The following SPOCK3 variants were observed in gnomAD, a reference collection of about 807,000 sequenced individuals.
SPOCK3 encodes the protein testican-3.
In SPOCK3, 30 loss-of-function variants were observed where a neutral mutation model predicts 56.6. The observed-to-expected ratio is 0.53, with a 90% CI of 0.40 to 0.72. The LOEUF is 0.72. Among genes scored for constraint, SPOCK3 ranks in the 30% least tolerant of loss-of-function variants. The pLI is 0.00. For synonymous variants in SPOCK3, 196 were observed against 183.3 expected, an observed-to-expected ratio of 1.07 and a Z score of -0.56; for missense variants, 527 against 530.0, an observed-to-expected ratio of 0.99 and a Z score of 0.06.
At chr4:166,744,123 A>G (rs1054027567) in intron 8 of SPOCK3, among the ~76,000 whole-genome samples, 7 of 152,146 alleles carry the variant, frequency 4.6e-5, no homozygotes, top group Non-Finnish European at 8.8e-5. Context: ...CCCACCCCGG[A>G]GTTTGAGATC....
rs542234752 is a variant in SPOCK3, at chr4:166,820,729, T to A, written c.590-28440A>T. 5.3e-5 allele frequency among the ~76,000 whole-genome samples: 8 copies of A among 151,922 alleles called. No homozygotes were observed. In the South Asian group the frequency reaches 1.7e-3, roughly 31 times the overall value. ...GTTCCAGGTACTTGGGAGGCTGAGA[T>A]GGGAGGATCGCTGGAGCCTGTGAGG... On this transcript the variant is annotated intron_variant, in intron 6 of 10. Transcript: ENST00000357545.
chr4:166,895,092 T>G (rs976470159), intron 5 of SPOCK3, among the ~76,000 whole-genome samples: 2 of 152,128 alleles, frequency 1.3e-5, no homozygotes, highest in Non-Finnish European at 2.9e-5. Flanking sequence ...ATCAAAATTC[T>G]TGTTTGAATT....
chr4:166,755,443 A>T (rs952625215), intron 7 of SPOCK3, among the ~76,000 whole-genome samples: 11 of 152,170 alleles, frequency 7.2e-5, no homozygotes, highest in Non-Finnish European at 1.5e-4. Context: ...GGTAAGCTGC[A>T]GACCTCACGA....
At chr4:166,977,671 A>C (rs1195927129) in intron 4 of SPOCK3, among the ~76,000 whole-genome samples, 1 of 152,148 alleles carries the variant, frequency 6.6e-6, no homozygotes, top group Non-Finnish European at 1.5e-5. Context: ...TGAGTATCAG[A>C]TAAGTCAGAA....
At chr4:166,737,699 T>G in intron 9 of SPOCK3, 95 bp from the exon 10 acceptor site, 1 of 1,335,894 alleles carries the variant, frequency 7.5e-7, no homozygotes, top group Non-Finnish European at 1.0e-6. Flanking sequence ...CATTAATGCA[T>G]TAAAGACTTA....
At chr4:167,181,135 T>C (rs1246656262) in intron 2 of SPOCK3, among the ~76,000 whole-genome samples, 1 of 152,146 alleles carries the variant, frequency 6.6e-6, no homozygotes, top group Non-Finnish European at 1.5e-5. Context: ...CTCTGAAATC[T>C]ATATCCCTAC....
chr4:167,053,452 C>T (rs1298645466), intron 3 of SPOCK3, among the ~76,000 whole-genome samples: 4 of 151,854 alleles, frequency 2.6e-5, no homozygotes, highest in African/African-American at 9.7e-5. Context: ...TTTGGGAGGC[C>T]GAGGGGCAGA....
chr4:167,155,515 A>G (rs1764743689), intron 2 of SPOCK3, among the ~76,000 whole-genome samples: 1 of 152,212 alleles, frequency 6.6e-6, no homozygotes, highest in Admixed American at 6.5e-5. Flanking sequence ...AAAGAAAGAA[A>G]ACAACACATG....
intron 6 of SPOCK3, among the ~76,000 whole-genome samples, chr4:166,850,055 A>G (rs1471260170): frequency 1.3e-5 from 2 of 152,160 alleles, no homozygotes; most frequent in African/African-American, 4.8e-5. Context: ...AGATCTACAC[A>G]TTTTTCTTTG....
intron 6 of SPOCK3, among the ~76,000 whole-genome samples, chr4:166,879,629 T>A (rs956036061): frequency 2.0e-5 from 3 of 152,198 alleles, no homozygotes; most frequent in Non-Finnish European, 4.4e-5. Context: ...TTCCCTCATA[T>A]TTTACATTTG....
At chr4:167,005,884 G>A (rs1749418704) in intron 3 of SPOCK3, among the ~76,000 whole-genome samples, 1 of 152,020 alleles carries the variant, frequency 6.6e-6, no homozygotes, top group Admixed American at 6.6e-5. Context: ...GCTTCAAAAG[G>A]ACTACTATTT....
rs1269509850 is a variant in SPOCK3, at chr4:167,233,997, G to T, written c.177C>A (p.Asn59Lys). Residue 59 changes from asparagine to lysine, a missense_variant, in exon 2 of 11, where the codon AAC becomes AAA. By Grantham distance (94) the Asn-to-Lys change is moderately conservative. Coordinates refer to ENST00000357545, the MANE Select transcript of SPOCK3 (RefSeq NM_001040159.2). ...GCGCGGAACTTACGTCTCGGAATTT[G>T]TTCCACTGTCCGACTTCCTTGTCAT... ...SQYDKEVGQW[N>K]KFRDDDYFRT... 6.2e-7 allele frequency: 1 copy of T among 1,613,550 alleles called. No individual in the cohort carries two copies. Among genetic ancestry groups the T allele is most frequent in the Non-Finnish European group, 8.5e-7 (1 of 1,179,656 alleles).
chr4:167,195,573 C>A (rs778515355), intron 2 of SPOCK3, among the ~76,000 whole-genome samples: 6 of 152,174 alleles, frequency 3.9e-5, no homozygotes, highest in Admixed American at 6.5e-5. Flanking sequence ...GGGACTGAGA[C>A]AGGCTAGAGC....
intron 5 of SPOCK3, among the ~76,000 whole-genome samples, chr4:166,893,834 T>G (rs1182659737): frequency 6.6e-6 from 1 of 152,108 alleles, no homozygotes; most frequent in Non-Finnish European, 1.5e-5. Flanking sequence ...ATCAAAGACA[T>G]GCTTTGAACT....
At chr4:166,798,010 C>T (rs1206079409) in intron 6 of SPOCK3, among the ~76,000 whole-genome samples, 1 of 152,132 alleles carries the variant, frequency 6.6e-6, no homozygotes, top group Admixed American at 6.5e-5. Context: ...TGAAACATTC[C>T]TATTGTCTAA....
chr4:167,151,538 C>T (rs1580447169), intron 2 of SPOCK3, among the ~76,000 whole-genome samples: 2 of 151,556 alleles, frequency 1.3e-5, no homozygotes, highest in Middle Eastern at 6.8e-3. Context: ...AGGTTCACGC[C>T]ATTCTCCTGC....
chr4:166,869,606 C>CTGTGTGTGTGTG (rs34623275), intron 6 of SPOCK3, among the ~76,000 whole-genome samples: 7 of 141,928 alleles, frequency 4.9e-5, no homozygotes, highest in Admixed American at 1.4e-4. Flanking sequence ...CAATAGAATT[C>CTGTGTGTGTGTG]TGTGTGTGTG....
chr4:166,856,107 A>C (rs1410647248), intron 6 of SPOCK3, among the ~76,000 whole-genome samples: 1 of 152,142 alleles, frequency 6.6e-6, no homozygotes, highest in Non-Finnish European at 1.5e-5. Flanking sequence ...TGGAGTCTAA[A>C]AAAGCTGAAC....
chr4:167,069,197 T>C (rs1213175358), intron 2 of SPOCK3, among the ~76,000 whole-genome samples: 2 of 151,872 alleles, frequency 1.3e-5, no homozygotes, highest in East Asian at 1.9e-4. Flanking sequence ...TGACTAATAA[T>C]ATGTGGCAGA....
Sources: allele counts gnomAD v4.1 joint callset (sites outside exome capture counted in the v4.1 genomes callset), GRCh38; gene constraint gnomAD v4.1.1; transcripts MANE v1.5; gene names NCBI Gene and HGNC (gene_info 2026-07-23, HGNC 2026-07-21).